RANBP2: variants seen among roughly 807,000 people sequenced by gnomAD.
RANBP2 encodes RAN binding protein 2, also known as E3 SUMO-protein ligase RanBP2.
In RANBP2, 57 loss-of-function variants were observed where a neutral mutation model predicts 303.6. The observed-to-expected ratio is 0.19, with a 90% CI of 0.15 to 0.23. The LOEUF (loss-of-function observed/expected upper bound fraction) is 0.23, where lower values mean the gene tolerates loss of function less well. RANBP2 is among the 10% of genes least tolerant of loss of function. The pLI, the probability that RANBP2 is intolerant of heterozygous loss-of-function variation, is 1.00. For synonymous variants in RANBP2, 1,167 were observed against 1,301.5 expected (o/e 0.90, Z 2.23); for missense variants, 3,138 against 3,780.8 (o/e 0.83, Z 4.46).
At chr2:109,287,001 A>C in the RANBP2 span, among the ~76,000 whole-genome samples, 1 of 152,150 alleles carries the variant, frequency 6.6e-6, no homozygotes, top group Admixed American at 6.5e-5. Flanking sequence ...GGGACGTGCA[A>C]CTGTCCCTGT....
the RANBP2 span, among the ~76,000 whole-genome samples, chr2:109,139,649 CAA>C: frequency 2.0e-5 from 3 of 152,138 alleles, no homozygotes; most frequent in African/African-American, 2.4e-5. Flanking sequence ...TGTACAGTAA[CAA>C]GAGTTTTCCT....
At chr2:109,259,820 T>C in the RANBP2 span, among the ~76,000 whole-genome samples, 2 of 151,426 alleles carry the variant, frequency 1.3e-5, no homozygotes, top group African/African-American at 4.8e-5. Context: ...GGTCTCTGTT[T>C]GTCTGGCTCT....
At chr2:108,929,756 G>A in the RANBP2 span, among the ~76,000 whole-genome samples, 1 of 152,224 alleles carries the variant, frequency 6.6e-6, no homozygotes, top group Non-Finnish European at 1.5e-5. Flanking sequence ...CTCAGGCTTA[G>A]CTTGCCCAGA....
the RANBP2 span, among the ~76,000 whole-genome samples, chr2:108,968,917 TAAA>T: frequency 6.6e-6 from 1 of 152,218 alleles, no homozygotes; most frequent in South Asian, 2.1e-4. Flanking sequence ...TTTAGCCTGA[TAAA>T]AAAGACAACC....
the RANBP2 span, among the ~76,000 whole-genome samples, chr2:109,429,220 C>A: frequency 1.3e-5 from 2 of 152,180 alleles, no homozygotes; most frequent in African/African-American, 4.8e-5. Context: ...AGTTGACCCC[C>A]ACCCGGGCCA....
the RANBP2 span, among the ~76,000 whole-genome samples, chr2:108,861,472 C>CTTTTTTTTTTT: frequency 5.5e-4 from 68 of 123,490 alleles, 8 homozygotes; most frequent in South Asian, 1.9e-3. Context: ...AACTTTCTTC[C>CTTTTTTTTTTT]TTTTTTTTTT....
chr2:109,624,106 GC>G, the RANBP2 span, among the ~76,000 whole-genome samples: 1 of 152,172 alleles, frequency 6.6e-6, no homozygotes, highest in Non-Finnish European at 1.5e-5. Context: ...ATGGAGGGTG[GC>G]CTGAGGCTAA....
the RANBP2 span, chr2:109,574,678 T>TGGTA: frequency 6.2e-7 from 1 of 1,610,350 alleles, no homozygotes; most frequent in Non-Finnish European, 8.5e-7. Flanking sequence ...GCGAGAATCA[T>TGGTA]GGTAGGTAAA....
At chr2:109,190,970 A>G in the RANBP2 span, among the ~76,000 whole-genome samples, 2 of 151,552 alleles carry the variant, frequency 1.3e-5, no homozygotes, top group Non-Finnish European at 2.9e-5. Flanking sequence ...ATTCATTTTA[A>G]TAGTTGCGTC....
At chr2:108,754,118 A>G (rs1676121649) in intron 15 of RANBP2, 147 bp downstream of exon 15, 3 of 1,583,880 alleles carry the variant, frequency 1.9e-6, no homozygotes, top group African/African-American at 1.3e-5. Context: ...CTAAATGCTT[A>G]TATTTGCTTG....
the RANBP2 span, among the ~76,000 whole-genome samples, chr2:109,342,966 C>T: frequency 1.3e-5 from 2 of 152,128 alleles, no homozygotes; most frequent in South Asian, 4.1e-4. Context: ...TTCTTAATGT[C>T]TTGAGCCCAA....
At chr2:109,703,136 T>C in the RANBP2 span, among the ~76,000 whole-genome samples, 1 of 152,130 alleles carries the variant, frequency 6.6e-6, no homozygotes, top group Non-Finnish European at 1.5e-5. Context: ...TAAATACATA[T>C]TAACCAAACA....
chr2:109,336,542 A>G, the RANBP2 span, among the ~76,000 whole-genome samples: 2 of 152,338 alleles, frequency 1.3e-5, no homozygotes, highest in African/African-American at 4.8e-5. Context: ...GCTGCTCTTG[A>G]AGGAACCAGT....
At chr2:109,521,543 G>A in the RANBP2 span, among the ~76,000 whole-genome samples, 8 of 152,208 alleles carry the variant, frequency 5.3e-5, no homozygotes, top group East Asian at 1.9e-4. Flanking sequence ...ATGATCACAC[G>A]GAGCTGGCAC....
the RANBP2 span, among the ~76,000 whole-genome samples, chr2:109,689,513 A>G: frequency 1.3e-5 from 2 of 152,228 alleles, no homozygotes; most frequent in Admixed American, 1.3e-4. Context: ...GTCAGCAGGC[A>G]TAGAAGAGCA....
the RANBP2 span, among the ~76,000 whole-genome samples, chr2:109,052,200 C>A: frequency 6.6e-6 from 1 of 152,208 alleles, no homozygotes; most frequent in African/African-American, 2.4e-5. Flanking sequence ...TATCAGTAAT[C>A]CCAGTTTTGA....
chr2:108,725,812 T>C (rs2149081998), intron 1 of RANBP2, among the ~76,000 whole-genome samples: 1 of 151,702 alleles, frequency 6.6e-6, no homozygotes, highest in East Asian at 1.9e-4. Context: ...TTAAGATTGC[T>C]GTAGTTCTTT....
At chr2:109,594,311 C>T in the RANBP2 span, among the ~76,000 whole-genome samples, 24 of 152,214 alleles carry the variant, frequency 1.6e-4, no homozygotes, top group East Asian at 4.2e-3. Flanking sequence ...GAATACAGTG[C>T]ACAATTACTC....
the RANBP2 span, among the ~76,000 whole-genome samples, chr2:109,620,792 T>G: frequency 2.0e-5 from 3 of 152,218 alleles, no homozygotes; most frequent in Admixed American, 1.3e-4. Context: ...TTAAATAGTC[T>G]AAGTACTGTC....
Sources: allele counts gnomAD v4.1 joint callset (sites outside exome capture counted in the v4.1 genomes callset), GRCh38; gene constraint gnomAD v4.1.1; transcripts MANE v1.5; gene names NCBI Gene and HGNC (gene_info 2026-07-23, HGNC 2026-07-21).